Variants in ADD3 observed in about 807,000 individuals in gnomAD.
ADD3 encodes adducin 3, also known as gamma-adducin.
ADD3 carries 25 observed loss-of-function variants against 80.2 expected under a neutral mutation model. The ratio of observed to expected loss-of-function variants is 0.31; its 90% CI spans 0.23 to 0.44. ADD3 has a LOEUF of 0.44. Ranked by LOEUF, ADD3 falls within the 20% of genes least tolerant of loss-of-function variation. The pLI is 1.00. For missense variants in ADD3, 829 were observed against 847.5 expected, an observed-to-expected ratio of 0.98 and a Z score of 0.27; for synonymous variants, 284 against 289.6, an observed-to-expected ratio of 0.98 and a Z score of 0.20.
rs1479286650 is a variant in ADD3 at position 110,120,434 on chromosome 10, A to G, written c.960+870A>G. On this transcript the variant is annotated intron_variant, in intron 8 of 14. Coordinates refer to ENST00000356080, the MANE Select transcript of ADD3 (RefSeq NM_016824.5). ...ATTTTTTATGGCTGCATAGTATTCT[A>G]TGGTGTATATGTGCCACATTTTCTT... Among the ~76,000 whole-genome samples, 12 of 151,912 alleles carry G rather than the reference A, an allele frequency of 7.9e-5. No individual in the cohort carries two copies. The South Asian group carries it at 8.3e-4, about 11-fold the overall frequency.
At chr10:110,071,549 G>C (rs1293122548) in intron 1 of ADD3, among the ~76,000 whole-genome samples, 1 of 152,166 alleles carries the variant, frequency 6.6e-6, no homozygotes, top group Non-Finnish European at 1.5e-5. Context: ...TCCCAAAACA[G>C]AAATTATTCA....
intron 1 of ADD3, among the ~76,000 whole-genome samples, chr10:110,043,253 G>A (rs1013622817): frequency 3.9e-5 from 6 of 152,130 alleles, no homozygotes; most frequent in East Asian, 1.9e-4. Flanking sequence ...ACTTGCATCC[G>A]AATTAATGTT....
At chr10:110,110,989 A>T (rs1849940844) in intron 2 of ADD3, among the ~76,000 whole-genome samples, 1 of 152,094 alleles carries the variant, frequency 6.6e-6, no homozygotes. Flanking sequence ...AGCGGAAAAA[A>T]AAAAAGTTTC....
At chr10:110,095,539 G>A (rs550799963) in intron 1 of ADD3, among the ~76,000 whole-genome samples, 30 of 152,264 alleles carry the variant, frequency 2.0e-4, no homozygotes, top group African/African-American at 7.2e-4. Flanking sequence ...GCACATATCA[G>A]TATTCCATTT....
At chr10:110,015,809 T>C (rs1306059010) in intron 1 of ADD3, among the ~76,000 whole-genome samples, 1 of 152,174 alleles carries the variant, frequency 6.6e-6, no homozygotes, top group Non-Finnish European at 1.5e-5. Flanking sequence ...CACTTTGCCA[T>C]AGCTAAATAC....
chr10:110,100,562 C>A, intron 1 of ADD3, 63 bp from the exon 2 acceptor site: 1 of 1,102,338 alleles, frequency 9.1e-7, no homozygotes, highest in South Asian at 2.4e-5. Context: ...TCTGCTTGAC[C>A]CATGTAAATT....
intron 1 of ADD3, among the ~76,000 whole-genome samples, chr10:110,067,679 A>G: frequency 6.6e-6 from 1 of 152,310 alleles, no homozygotes; most frequent in Middle Eastern, 3.4e-3. Context: ...AGTGTACTTT[A>G]TGGGGATCTT....
intron 1 of ADD3, among the ~76,000 whole-genome samples, chr10:110,056,673 A>T (rs1231034002): frequency 6.6e-6 from 1 of 152,216 alleles, no homozygotes; most frequent in African/African-American, 2.4e-5. Context: ...AGTTAATAAA[A>T]GGAAATGGGA....
At chr10:110,122,909 G>A (rs567050443) in intron 9 of ADD3, among the ~76,000 whole-genome samples, 1 of 151,946 alleles carries the variant, frequency 6.6e-6, no homozygotes, top group Non-Finnish European at 1.5e-5. Flanking sequence ...TGGGATTACT[G>A]GCGTGAGCTG....
intron 1 of ADD3, among the ~76,000 whole-genome samples, chr10:110,082,250 T>C (rs1157575781): frequency 1.4e-5 from 2 of 146,764 alleles, no homozygotes; most frequent in Non-Finnish European, 1.5e-5. Flanking sequence ...AAAAAAACTT[T>C]GGCTGAGCTT....
intron 1 of ADD3, among the ~76,000 whole-genome samples, chr10:110,100,236 A>G (rs1414450072): frequency 4.0e-5 from 6 of 151,748 alleles, no homozygotes; most frequent in African/African-American, 1.2e-4. Flanking sequence ...TGTAGTCCCA[A>G]CTACTCGGGA....
chr10:110,089,701 A>G (rs1847231525), intron 1 of ADD3, among the ~76,000 whole-genome samples: 2 of 151,486 alleles, frequency 1.3e-5, no homozygotes, highest in Non-Finnish European at 2.9e-5. Flanking sequence ...GTACACACAC[A>G]TATGTATATA....
At chr10:110,073,138 CT>C (rs1189793476) in intron 1 of ADD3, among the ~76,000 whole-genome samples, 1,039 of 94,176 alleles carry the variant, frequency 0.011, 4 homozygotes, top group African/African-American at 0.034. Context: ...TTTTAGTTTT[CT>C]TTTTTTTTTT....
At chr10:110,111,075 A>G (rs902106947) in intron 2 of ADD3, among the ~76,000 whole-genome samples, 1 of 152,170 alleles carries the variant, frequency 6.6e-6, no homozygotes, top group Non-Finnish European at 1.5e-5. Flanking sequence ...TTTTATTCCT[A>G]CCGTCACGAG....
At chr10:110,096,336 G>A (rs1848150501) in intron 1 of ADD3, among the ~76,000 whole-genome samples, 1 of 151,932 alleles carries the variant, frequency 6.6e-6, no homozygotes, top group East Asian at 1.9e-4. Flanking sequence ...TCTCCTCACT[G>A]CCTTGTCAGC....
intron 1 of ADD3, among the ~76,000 whole-genome samples, chr10:110,046,409 G>A (rs1399942390): frequency 1.4e-5 from 2 of 146,116 alleles, no homozygotes; most frequent in African/African-American, 2.7e-5. Context: ...ATAGTCCAAA[G>A]TTATACGTGG....
chr10:110,038,881 T>A (rs1206042633), intron 1 of ADD3, among the ~76,000 whole-genome samples: 1 of 152,222 alleles, frequency 6.6e-6, no homozygotes, highest in African/African-American at 2.4e-5. Context: ...ACAATGATGT[T>A]TATTTGCTTA....
chr10:110,006,421 T>C (rs1280654589), upstream of ADD3, among the ~76,000 whole-genome samples: 1 of 152,168 alleles, frequency 6.6e-6, no homozygotes, highest in Non-Finnish European at 1.5e-5. Context: ...TGCAAGAAAA[T>C]ATCCAGCCAC....
At chr10:110,073,138 CTTTTTTT>C (rs1189793476) in intron 1 of ADD3, among the ~76,000 whole-genome samples, 58 of 94,220 alleles carry the variant, frequency 6.2e-4, no homozygotes, top group South Asian at 3.8e-3. Flanking sequence ...TTTTAGTTTT[CTTTTTTT>C]TTTTTTTTTT....
Sources: allele counts gnomAD v4.1 joint callset (sites outside exome capture counted in the v4.1 genomes callset), GRCh38; gene constraint gnomAD v4.1.1; transcripts MANE v1.5; gene names NCBI Gene and HGNC (gene_info 2026-07-23, HGNC 2026-07-21).